The following DNAH5 variants were observed in gnomAD, a reference collection of about 807,000 sequenced individuals.
DNAH5 encodes axonemal beta dynein heavy chain 5.
A neutral mutation model predicts 518.2 loss-of-function variants in DNAH5; 372 were observed. That is an observed-to-expected ratio of 0.72 (90% CI 0.66 to 0.78). DNAH5 has a LOEUF of 0.78. Among genes scored for constraint, DNAH5 ranks in the 30% least tolerant of loss-of-function variants. The pLI is 0.00. For synonymous variants in DNAH5, 2,039 were observed against 2,025.9 expected (o/e 1.01, Z -0.17); for missense variants, 5,523 against 5,687.0 (o/e 0.97, Z 0.93).
chr5:13,857,125 C>T (rs956301097), intron 30 of DNAH5, among the ~76,000 whole-genome samples: 5 of 152,184 alleles, frequency 3.3e-5, no homozygotes, highest in African/African-American at 1.2e-4. Flanking sequence ...ATTGTCTCAG[C>T]CCCAAAACTC....
chr5:13,870,414 C>T (rs897438375), intron 24 of DNAH5, among the ~76,000 whole-genome samples: 1 of 152,158 alleles, frequency 6.6e-6, no homozygotes, highest in African/African-American at 2.4e-5. Flanking sequence ...GAGGGCCCAA[C>T]TCAATTGATG....
At chr5:13,798,305 C>T (rs1758146718) in intron 47 of DNAH5, among the ~76,000 whole-genome samples, 1 of 152,112 alleles carries the variant, frequency 6.6e-6, no homozygotes, top group South Asian at 2.1e-4. Context: ...TTCTCACGTC[C>T]ATGGTAGTGC....
chr5:13,776,535 C>A lies in DNAH5; in HGVS notation c.9277G>T (p.Glu3093Ter), dbSNP rs1754109252. 1 of 1,613,780 alleles carries A rather than the reference C, an allele frequency of 6.2e-7. No individual in the cohort carries two copies. The highest frequency in any genetic ancestry group is 1.3e-5 in the African/African-American group (1 of 74,896). Residue 3093 changes from glutamate to a stop codon, truncating the protein, a stop_gained, in exon 55 of 79, where the codon GAG (glutamate) becomes TAG (stop). Coordinates refer to ENST00000265104, the MANE Select transcript of DNAH5 (RefSeq NM_001369.3). LOFTEE classifies it high-confidence loss of function. ...HIVLCFSPVG[E>*]KFRNRALKFP... ...TTCAAAGCTCTGTTTCGAAATTTCTCCCCCACTGGCGAGAAGCAGAGCACA... is the reference window on the plus strand; with the variant it reads ...TTCAAAGCTCTGTTTCGAAATTTCTACCCCACTGGCGAGAAGCAGAGCACA...
chr5:13,968,103 T>A (rs535672790), intron 1 of DNAH5, among the ~76,000 whole-genome samples: 3 of 152,252 alleles, frequency 2.0e-5, no homozygotes, highest in African/African-American at 4.8e-5. Context: ...TAAAAGGGGT[T>A]GAGTTCTTGA....
Position 13,944,590 on chromosome 5 carries a change from T to C in DNAH5, c.-152A>G, listed in dbSNP as rs901991681. The C allele has an allele frequency of 1.1e-5, 8 of 696,032 alleles. No homozygotes were observed. In the African/African-American group the frequency reaches 1.2e-4, roughly 11 times the overall value. The allele number at this position is 696,032 out of a possible 1,614,324, so 43.1% of individuals were successfully genotyped here. On this transcript the variant is annotated 5_prime_UTR_variant, in exon 1 of 79. The change abolishes an upstream ATG in the 5' untranslated region. Transcript: ENST00000265104. The stretch of plus-strand genomic sequence containing the variant: ...TAATTTGCATGTATTATTCACTACA[T>C]TCACAGAATAAAAATTAAAACTCCA...
At chr5:13,730,781 A>G (rs1561128297) in intron 68 of DNAH5, among the ~76,000 whole-genome samples, 2 of 151,070 alleles carry the variant, frequency 1.3e-5, no homozygotes, top group Non-Finnish European at 2.9e-5. Context: ...TCGGCTCACA[A>G]CATCTGCCTC....
chr5:13,727,232 T>C (rs988177391), intron 70 of DNAH5, among the ~76,000 whole-genome samples: 1 of 152,238 alleles, frequency 6.6e-6, no homozygotes, highest in African/African-American at 2.4e-5. Flanking sequence ...ACCTGTATGT[T>C]ATACCTATAT....
intron 2 of DNAH5, among the ~76,000 whole-genome samples, chr5:13,930,633 T>C (rs1315415222): frequency 6.6e-6 from 1 of 152,066 alleles, no homozygotes; most frequent in Non-Finnish European, 1.5e-5. Flanking sequence ...ACACCCCCAG[T>C]TTTAAAGAAA....
At chr5:13,838,972 TC>T (rs1764791423) in intron 35 of DNAH5, among the ~76,000 whole-genome samples, 1 of 144,032 alleles carries the variant, frequency 6.9e-6, no homozygotes, top group South Asian at 2.2e-4. Flanking sequence ...ATACTCAATT[TC>T]TTTCCTGCTT....
intron 43 of DNAH5, among the ~76,000 whole-genome samples, chr5:13,812,739 A>G (rs1452704175): frequency 1.3e-5 from 2 of 152,236 alleles, no homozygotes; most frequent in African/African-American, 4.8e-5. Context: ...TAGTCATTTG[A>G]GAAACCTAGT....
intron 1 of DNAH5, among the ~76,000 whole-genome samples, chr5:13,981,586 T>A (rs1031310825): frequency 1.3e-5 from 2 of 152,142 alleles, no homozygotes; most frequent in Non-Finnish European, 2.9e-5. Flanking sequence ...CTCTCCCCCA[T>A]CTTCCAAGCA....
At position 13,831,000 on chromosome 5, in the gene DNAH5, TA is replaced by T. The variant is rs200507802; in HGVS notation, c.5883-226del. On this transcript the variant is annotated intron_variant, in intron 35 of 78. Coordinates refer to ENST00000265104, the MANE Select transcript of DNAH5 (RefSeq NM_001369.3). ...TGATCAACTAAGTTTAAAAACTCCT[TA>T]AAAGGTTAAACAGGTTTCTTTACTG... 6.2e-3 allele frequency among the ~76,000 whole-genome samples: 941 copies of T among 152,020 alleles called. 11 individuals are homozygous for T. The highest frequency in any genetic ancestry group is 0.02 in the African/African-American group (830 of 41,284).
intron 1 of DNAH5, among the ~76,000 whole-genome samples, chr5:13,953,158 G>A (rs62340547): frequency 9.8e-4 from 149 of 152,200 alleles, no homozygotes; most frequent in Non-Finnish European, 1.5e-3. Flanking sequence ...AACTCTGTAC[G>A]GATCAAATGT....
intron 53 of DNAH5, 77 bp from the exon 54 acceptor site, chr5:13,777,432 G>T: frequency 3.7e-6 from 5 of 1,335,814 alleles, no homozygotes; most frequent in Non-Finnish European, 5.3e-6. Context: ...AACGCATTAT[G>T]CCATTTAGCT....
intron 1 of DNAH5, among the ~76,000 whole-genome samples, chr5:13,957,840 T>C (rs746442702): frequency 3.7e-4 from 56 of 151,532 alleles, no homozygotes; most frequent in Non-Finnish European, 6.5e-4. Flanking sequence ...ATTATGAAAA[T>C]AATAAAAATT....
intron 70 of DNAH5, among the ~76,000 whole-genome samples, chr5:13,721,730 T>A (rs1164555713): frequency 6.6e-6 from 1 of 152,228 alleles, no homozygotes; most frequent in African/African-American, 2.4e-5. Flanking sequence ...AAAGATTTAA[T>A]CCATAATCTC....
rs746152275 is a variant in DNAH5, at chr5:13,769,149, A to G, written c.9721-13T>C. ...CTTCTTTTAAGACCTAATTCAATAT[A>G]AAGCAAGCAATACTTCACCAAACAG... On this transcript the variant is annotated splice_polypyrimidine_tract_variant and intron_variant, in intron 57 of 78. Coordinates refer to ENST00000265104, the MANE Select transcript of DNAH5 (RefSeq NM_001369.3). 1.2e-6 allele frequency: 2 copies of G among 1,613,708 alleles called. No individual in the cohort carries two copies. The highest frequency in any genetic ancestry group is 4.5e-5 in the East Asian group (2 of 44,880).
Position 13,814,839 on chromosome 5 carries a change from A to G in DNAH5, c.6996T>C (p.His2332=). The G allele has an allele frequency of 1.2e-6, 2 of 1,613,734 alleles. No homozygotes were observed. Among genetic ancestry groups the G allele is most frequent in the Non-Finnish European group, 1.7e-6 (2 of 1,179,904 alleles). Residue 2332 remains histidine (H), a synonymous_variant, in exon 43 of 79, where the codon CAT becomes CAC. Transcript: ENST00000265104. ...RKTLRAKKGE[H]IWIILDGPVD... ...CTGGACCATCAAGAATTATCCAGAT[A>G]TGTTCCCCTAGAATACCCCACCAAA...
rs147583407 is a variant in DNAH5, at chr5:13,692,022, C to T, written c.13837G>A (p.Val4613Met). Residue 4613 changes from valine (V) to methionine (M), a missense_variant, in exon 79 of 79, where the codon GTG becomes ATG. Around this residue, in one of 3 missense-constraint regions of DNAH5, gnomAD observed 387 missense variants for 430.0 expected, o/e 0.90. Transcript: ENST00000265104. ...LRTAQTPEHWVLRGVALLCDV... is the reference protein window; with the variant it reads ...LRTAQTPEHWMLRGVALLCDV... ...CACAGAAGGGCAACCCCACGGAGCA[C>T]CCAGTGTTCAGGGGTCTGGGCTGTC... The T allele has an allele frequency of 3.2e-5, 51 of 1,614,154 alleles. No individual in the cohort carries two copies. The African/African-American group carries it at 5.3e-4, about 17-fold the overall frequency.
Sources: gnomAD v4.1 joint callset for allele counts (sites outside exome capture counted in the v4.1 genomes callset) on GRCh38, gnomAD v4.1.1 for gene constraint, gnomAD v4.1.1 regional missense constraint, MANE v1.5 for transcripts, NCBI Gene and HGNC (gene_info 2026-07-23, HGNC 2026-07-21) for gene names.